The following EIF4G2 variants were observed in gnomAD, a reference collection of about 807,000 sequenced individuals.
EIF4G2 encodes the protein DAP-5.
Under a neutral mutation model 117.7 loss-of-function variants are expected in EIF4G2, and 8 were observed. The ratio of observed to expected loss-of-function variants is 0.07; its 90% confidence interval spans 0.04 to 0.12. The LOEUF (loss-of-function observed/expected upper bound fraction) is 0.12, where lower values mean the gene tolerates loss of function less well. Among genes scored for constraint, EIF4G2 ranks in the 10% least tolerant of loss-of-function variants. The pLI is 1.00. For missense variants in EIF4G2, 812 were observed against 1,086.2 expected (o/e 0.75, Z 3.55); for synonymous variants, 413 against 367.8 (o/e 1.12, Z -1.41).
Position 10,797,949 on chromosome 11 carries a change from G to A in EIF4G2, c.2659-68C>T. On this transcript the variant is annotated intron_variant, in intron 21 of 21. Transcript: ENST00000339995. This position sits in a 1 kb window ranked among gnomAD's most constrained non-coding sequence, Gnocchi z 4.5. Reference sequence around the variant, plus strand: ...ACAGAAATCCATCCAAAAAGTTTTAGGTGGTACTACACAGTTTTAGAATAT... The same window carrying A: ...ACAGAAATCCATCCAAAAAGTTTTAAGTGGTACTACACAGTTTTAGAATAT... The A allele has an allele frequency of 7.0e-7, 1 of 1,425,846 alleles. No individual in the cohort carries two copies. Among genetic ancestry groups the A allele is most frequent in the Non-Finnish European group, 9.8e-7 (1 of 1,016,660 alleles). 88.3% of individuals were successfully genotyped at this position (1,425,846 alleles called of 1,614,324 possible). A position where few individuals can be genotyped will look rare whatever the true frequency, so the allele number is the denominator to read the frequency against.
At chr11:10,799,937 A>C in intron 18 of EIF4G2, 153 bp downstream of exon 18, 2 of 1,173,000 alleles carry the variant, frequency 1.7e-6, no homozygotes, top group Non-Finnish European at 2.4e-6. Flanking sequence ...GTTAAATTAT[A>C]AATCTCTCTT....
At chr11:10,805,151 A>G (rs1271330057) in intron 4 of EIF4G2, 136 bp from the exon 5 acceptor site, 5 of 687,704 alleles carry the variant, frequency 7.3e-6, no homozygotes, top group Non-Finnish European at 1.3e-5. Flanking sequence ...TTACTCATCT[A>G]AAACCAAAGG....
chr11:10,807,973 C>A (rs1372694994), intron 1 of EIF4G2: 1 of 1,032,682 alleles, frequency 9.7e-7, no homozygotes, highest in Non-Finnish European at 1.2e-6. Flanking sequence ...GCATTCCTCC[C>A]ACCCAGGCGC....
At chr11:10,799,782 A>G (rs1481137946) in intron 18 of EIF4G2, 26 bp from the exon 19 acceptor site, 1 of 1,601,604 alleles carries the variant, frequency 6.2e-7, no homozygotes, top group Non-Finnish European at 8.5e-7. Flanking sequence ...CACCTGCATC[A>G]TCTAATAGTT....
chr11:10,808,581 T>TA (rs1366007799), intron 1 of EIF4G2, 124 bp downstream of exon 1: 12 of 923,842 alleles, frequency 1.3e-5, no homozygotes, highest in East Asian at 1.2e-4. Context: ...GAGGAAATGC[T>TA]AAAAAAGGGT....
Position 10,804,019 on chromosome 11 carries a change from G to A in EIF4G2, c.582C>T (p.Pro194=), listed in dbSNP as rs542126224. The A allele has an allele frequency of 2.7e-5, 44 of 1,613,924 alleles. No individual in the cohort carries two copies. The East Asian group carries it at 5.8e-4, about 21-fold the overall frequency. ...CAATGGCTCTCTGTTCCTCCTCCTC[G>A]GGGAGGAGGGGATTTTCACGCTTAT... The change falls in exon 8 of 22, where the codon CCC becomes CCT. Residue 194 remains proline (P), a synonymous_variant. Transcript: ENST00000339995.
chr11:10,803,668 T>C lies in EIF4G2; in HGVS notation c.703-78A>G. ...GTAGTACTTTCTTTCCCTTTATGTT[T>C]GCACTGACTCATTCACAGTTCCTAC... On this transcript the variant is annotated intron_variant, in intron 8 of 21. Coordinates refer to ENST00000339995, the MANE Select transcript of EIF4G2 (RefSeq NM_001418.4). The surrounding 1 kb of genome is among the most constrained non-coding windows in gnomAD (Gnocchi z 4.0). The C allele has an allele frequency of 7.6e-7, 1 of 1,317,316 alleles. No homozygotes were observed. Among genetic ancestry groups the C allele is most frequent in the Non-Finnish European group, 1.1e-6 (1 of 925,576 alleles). The allele number at this position is 1,317,316 out of a possible 1,614,324, so 81.6% of individuals were successfully genotyped here. A position where few individuals can be genotyped will look rare whatever the true frequency, so the allele number is the denominator to read the frequency against.
chr11:10,806,774 T>G, intron 3 of EIF4G2, 46 bp downstream of exon 3: 1 of 1,599,782 alleles, frequency 6.3e-7, no homozygotes, highest in Non-Finnish European at 8.6e-7. Context: ...GAAAGACTTT[T>G]AATCTGTTAA....
chr11:10,801,154 T>C (rs935864554), intron 14 of EIF4G2, 67 bp from the exon 15 acceptor site: 2 of 1,594,192 alleles, frequency 1.3e-6, no homozygotes, highest in South Asian at 1.1e-5. Flanking sequence ...AAATACAACA[T>C]TCTAAAATCC....
At position 10,804,188 on chromosome 11, in the gene EIF4G2, G is replaced by A. The variant is rs1374925047; in HGVS notation, c.499C>T (p.Leu167=). 3 of 1,614,198 alleles carry A rather than the reference G, an allele frequency of 1.9e-6. No individual in the cohort carries two copies. Among genetic ancestry groups the A allele is most frequent in the African/African-American group, 1.3e-5 (1 of 75,050 alleles). Residue 167 remains leucine, a synonymous_variant, in exon 7 of 22, where the codon CTA becomes TTA. Coordinates refer to ENST00000339995, the MANE Select transcript of EIF4G2 (RefSeq NM_001418.4). ...AATTCATCTTGTAATTTGGAAATTAGGAGGCGTCTGAATGTCTGGAAAAGA... is the reference window on the plus strand; with the variant it reads ...AATTCATCTTGTAATTTGGAAATTAAGAGGCGTCTGAATGTCTGGAAAAGA...
At chr11:10,801,418 C>A in intron 14 of EIF4G2, 1 of 657,028 alleles carries the variant, frequency 1.5e-6, no homozygotes, top group East Asian at 2.8e-5. Flanking sequence ...AGAAAGAAAC[C>A]ACAATATTTT....
At position 10,803,796 on chromosome 11, in the gene EIF4G2, T is replaced by G; in HGVS notation, c.702+103A>C. On this transcript the variant is annotated intron_variant, in intron 8 of 21. Transcript: ENST00000339995. This position sits in a 1 kb window ranked among gnomAD's most constrained non-coding sequence, Gnocchi z 4.0. Reference sequence around the variant, plus strand: ...AATTATTCTGTTTAGTAAATTTTGTTGCACATCTGTATTTAACTAGTCAAC... The same window carrying G: ...AATTATTCTGTTTAGTAAATTTTGTGGCACATCTGTATTTAACTAGTCAAC... 2 of 1,404,108 alleles carry G rather than the reference T, an allele frequency of 1.4e-6. No homozygotes were observed. The highest frequency in any genetic ancestry group is 1.9e-6 in the Non-Finnish European group (2 of 1,030,430). 87.0% of individuals were successfully genotyped at this position (1,404,108 alleles called of 1,614,324 possible). A position where few individuals can be genotyped will look rare whatever the true frequency, so the allele number is the denominator to read the frequency against.
chr11:10,805,229 T>C (rs1273670825), intron 4 of EIF4G2, among the ~76,000 whole-genome samples: 1 of 152,196 alleles, frequency 6.6e-6, no homozygotes, highest in East Asian at 1.9e-4. Context: ...CCCAGCTGTT[T>C]GACAAGAATC....
At position 10,801,044 on chromosome 11, in the gene EIF4G2, T is replaced by C; in HGVS notation, c.1457A>G (p.Gln486Arg). 1.2e-6 allele frequency: 2 copies of C among 1,614,180 alleles called. No individual in the cohort carries two copies. The highest frequency in any genetic ancestry group is 1.7e-6 in the Non-Finnish European group (2 of 1,180,008). Residue 486 changes from glutamine (Q) to arginine (R), a missense_variant, in exon 15 of 22, where the codon CAA becomes CGA. By Grantham distance (43) the Gln-to-Arg change is conservative (BLOSUM62 1). Coordinates refer to ENST00000339995, the MANE Select transcript of EIF4G2 (RefSeq NM_001418.4). ...TATCTGGGGCTGAAGCTTTGGCACT[T>C]GATTTTTATTCATTAGGAACGACTG...
chr11:10,803,297 G>A lies in EIF4G2; in HGVS notation c.814-3C>T, dbSNP rs779433423. On this transcript the variant is annotated splice_region_variant and splice_polypyrimidine_tract_variant and intron_variant, in intron 9 of 21. Transcript: ENST00000339995. This position sits in a 1 kb window ranked among gnomAD's most constrained non-coding sequence, Gnocchi z 4.0. Reference sequence around the variant, plus strand: ...GCAAAGTACTGATCCATTAAGGACTGATAAGAGAAGAATACATTCATTGGA... The same window carrying A: ...GCAAAGTACTGATCCATTAAGGACTAATAAGAGAAGAATACATTCATTGGA... The A allele has an allele frequency of 1.1e-5, 18 of 1,612,302 alleles. No homozygotes were observed. The South Asian group carries it at 2.0e-4, about 18-fold the overall frequency.
At chr11:10,799,821 G>A in intron 18 of EIF4G2, 65 bp from the exon 19 acceptor site, 1 of 1,531,442 alleles carries the variant, frequency 6.5e-7, no homozygotes, top group East Asian at 2.3e-5. Context: ...TGTCCAGAGA[G>A]CAGAGCTTCA....
In EIF4G2 at chr11:10,803,014, C is replaced by CAAA. The variant is rs763362410; in HGVS notation, c.996+13_996+15dup. The stretch of plus-strand genomic sequence containing the variant: ...CACAGAGTCTATGTGACAAACAAAA[C>CAAA]AAAACCCAATCTTACTTTTACTGCA... On this transcript the variant is annotated intron_variant, in intron 11 of 21. Transcript: ENST00000339995. The surrounding 1 kb of genome is among the most constrained non-coding windows in gnomAD (Gnocchi z 4.0). The CAAA allele has an allele frequency of 6.2e-7, 1 of 1,604,060 alleles. No individual in the cohort carries two copies. The highest frequency in any genetic ancestry group is 8.5e-7 in the Non-Finnish European group (1 of 1,175,226).
chr11:10,803,684 C>A lies in EIF4G2; in HGVS notation c.703-94G>T. On this transcript the variant is annotated intron_variant, in intron 8 of 21. Transcript: ENST00000339995. This position sits in a 1 kb window ranked among gnomAD's most constrained non-coding sequence, Gnocchi z 4.0. The stretch of plus-strand genomic sequence containing the variant: ...CTTTATGTTTGCACTGACTCATTCA[C>A]AGTTCCTACAGAATCTAGTATAGGG... 1 of 1,219,200 alleles carries A rather than the reference C, an allele frequency of 8.2e-7. No individual in the cohort carries two copies. The highest frequency in any genetic ancestry group is 1.3e-5 in the South Asian group (1 of 77,834). The allele number at this position is 1,219,200 out of a possible 1,614,324, so 75.5% of individuals were successfully genotyped here. A position where few individuals can be genotyped will look rare whatever the true frequency, so the allele number is the denominator to read the frequency against.
rs531855095 is a variant in EIF4G2 at position 10,806,976 on chromosome 11, G to A, written c.42-91C>T. The A allele has an allele frequency of 6.2e-6, 9 of 1,457,880 alleles. No homozygotes were observed. In the South Asian group the frequency reaches 1.0e-4, roughly 17 times the overall value. The allele number at this position is 1,457,880 out of a possible 1,614,324, so 90.3% of individuals were successfully genotyped here. A position where few individuals can be genotyped will look rare whatever the true frequency, so the allele number is the denominator to read the frequency against. On this transcript the variant is annotated intron_variant, in intron 2 of 21. Transcript: ENST00000339995. ...TATTTTGTGTTTTGCTTTGCTTGTA[G>A]AGATGGGGGTCTCGCTATTTTGCCC...
Sources: allele counts gnomAD v4.1 joint callset (sites outside exome capture counted in the v4.1 genomes callset), GRCh38; gene constraint gnomAD v4.1.1; non-coding constraint Gnocchi (gnomAD v3.1); transcripts MANE v1.5; gene names NCBI Gene and HGNC (gene_info 2026-07-23, HGNC 2026-07-21).